The following FIBCD1 variants were observed in gnomAD, a reference collection of about 807,000 sequenced individuals.
FIBCD1 encodes fibrinogen C domain-containing protein 1.
FIBCD1 carries 47 observed loss-of-function variants against 45.1 expected under a neutral mutation model. That is an observed-to-expected ratio of 1.04 (90% CI 0.82 to 1.33). The LOEUF is 1.33. Among genes scored for constraint, FIBCD1 ranks in the 40% most tolerant of loss-of-function variants. FIBCD1 has a pLI of 0.00. For missense variants in FIBCD1, 653 were observed against 682.2 expected (o/e 0.96, Z 0.48); for synonymous variants, 313 against 308.1 (o/e 1.02, Z -0.17).
At chr9:130,930,844 CAG>C (rs976581598) in intron 1 of FIBCD1, 3 of 455,700 alleles carry the variant, frequency 6.6e-6, no homozygotes, top group Admixed American at 2.3e-5. Flanking sequence ...ATACACTGGT[CAG>C]AGAGAGCTGT....
intron 4 of FIBCD1, 54 bp from the exon 5 acceptor site, chr9:130,911,942 AGCCCACCTGG>A: frequency 6.7e-7 from 1 of 1,498,902 alleles, no homozygotes; most frequent in Non-Finnish European, 9.1e-7. Context: ...CAGGACTCGC[AGCCCACCTGG>A]GCCCACCCCG....
intron 4 of FIBCD1, among the ~76,000 whole-genome samples, chr9:130,916,505 C>G (rs751305649): frequency 6.6e-6 from 1 of 152,228 alleles, no homozygotes; most frequent in Non-Finnish European, 1.5e-5. Context: ...GTGCAAGTGC[C>G]GAGCACGGCC....
Position 130,926,893 on chromosome 9 carries a change from G to A in FIBCD1, c.553-2497C>T, listed in dbSNP as rs866291588. On this transcript the variant is annotated intron_variant, in intron 2 of 6. Coordinates refer to ENST00000372338, the MANE Select transcript of FIBCD1 (RefSeq NM_032843.5). The surrounding 1 kb of genome is among the most constrained non-coding windows in gnomAD (Gnocchi z 4.1). ...AATGTACTAACCTCCTGGCGTTATG[G>A]GGCTGCAAAGTGCCTATTAACGCGG... 6.6e-6 allele frequency among the ~76,000 whole-genome samples: 1 copy of A among 152,106 alleles called. No individual in the cohort carries two copies. Among genetic ancestry groups the A allele is most frequent in the Non-Finnish European group, 1.5e-5 (1 of 68,032 alleles).
At chr9:130,930,315 T>C (rs933440558) in intron 1 of FIBCD1, among the ~76,000 whole-genome samples, 1 of 148,860 alleles carries the variant, frequency 6.7e-6, no homozygotes, top group African/African-American at 2.5e-5. Flanking sequence ...GGTGGAGACA[T>C]AGGGAGAGAC....
In FIBCD1 at chr9:130,903,016, G is replaced by A. The variant is rs1831862447; in HGVS notation, c.*1048C>T. 6.6e-6 allele frequency: 1 copy of A among 152,314 alleles called. No individual in the cohort carries two copies. Among genetic ancestry groups the A allele is most frequent in the Non-Finnish European group, 1.5e-5 (1 of 68,112 alleles). 9.4% of individuals were successfully genotyped at this position (152,314 alleles called of 1,614,324 possible). ...CCGGGCCGGGCCTGGCCTGGGTCCA[G>A]GTGGCCACGGTCAATGGCAAGGGTT... On this transcript the variant is annotated 3_prime_UTR_variant, in exon 7 of 7. Transcript: ENST00000372338.
chr9:130,924,002 C>T, intron 3 of FIBCD1, 122 bp from the exon 4 acceptor site: 2 of 1,465,290 alleles, frequency 1.4e-6, no homozygotes, highest in Non-Finnish European at 1.8e-6. Flanking sequence ...AGAGCACTGG[C>T]CTTGGAGTCC....
rs1382943409 is a variant in FIBCD1 at position 130,904,339 on chromosome 9, C to G, written c.1127-16G>C. The G allele has an allele frequency of 3.1e-6, 5 of 1,593,914 alleles. No individual in the cohort carries two copies. Among genetic ancestry groups the G allele is most frequent in the Non-Finnish European group, 4.3e-6 (5 of 1,167,702 alleles). ...AGGGAGTCGCCTGCGCAGGGGTGCA[C>G]ACAGGTGTGGGCACGGGGGGCACGG... On this transcript the variant is annotated splice_polypyrimidine_tract_variant and intron_variant, in intron 6 of 6. Transcript: ENST00000372338.
chr9:130,923,717 G>T (rs745613039), intron 4 of FIBCD1, 27 bp downstream of exon 4: 3 of 1,608,482 alleles, frequency 1.9e-6, no homozygotes, highest in African/African-American at 2.7e-5. Context: ...TGCCTGCCCT[G>T]CCGCCCGCCC....
In FIBCD1 at chr9:130,913,158, C is replaced by T. The variant is rs185737224; in HGVS notation, c.850-1270G>A. Among the ~76,000 whole-genome samples the T allele has an allele frequency of 1.4e-3, 206 of 152,288 alleles. 1 individual carries two copies. Among genetic ancestry groups the T allele is most frequent in the African/African-American group, 4.8e-3 (198 of 41,556 alleles). ...CTTTGAAATGAGTACCACGCTGGCCCGGGCCAGAGCTGCCTGGAGTATTTA... is the reference window on the plus strand; with the variant it reads ...CTTTGAAATGAGTACCACGCTGGCCTGGGCCAGAGCTGCCTGGAGTATTTA... On this transcript the variant is annotated intron_variant, in intron 4 of 6. Coordinates refer to ENST00000372338, the MANE Select transcript of FIBCD1 (RefSeq NM_032843.5).
At chr9:130,934,462 G>A (rs556000641) in intron 1 of FIBCD1, among the ~76,000 whole-genome samples, 1 of 152,310 alleles carries the variant, frequency 6.6e-6, no homozygotes, top group East Asian at 1.9e-4. Flanking sequence ...GGCGCAGGAG[G>A]GGCTGAAGGT....
chr9:130,917,580 A>G (rs1475696706), intron 4 of FIBCD1, among the ~76,000 whole-genome samples: 1 of 152,106 alleles, frequency 6.6e-6, no homozygotes, highest in Non-Finnish European at 1.5e-5. Flanking sequence ...GCAGCCTTAC[A>G]CTCCGCAGGT....
intron 1 of FIBCD1, chr9:130,938,279 G>A: frequency 2.5e-6 from 1 of 402,692 alleles, no homozygotes; most frequent in Non-Finnish European, 4.5e-6. Flanking sequence ...CCAGGGGGCT[G>A]CTGGGGGTGC....
rs1440463633 is a variant in FIBCD1, at chr9:130,929,810, G to A, written c.309C>T (p.Asp103=). ...GGGCGCTCTCCAGGCGTGCGAAGCT[G>A]TCGGTGAGGTCGGGGCAGCGCGGGT... ...LIDPRCPDLT[D]SFARLESAQA... is the part of the protein sequence containing the mutation. Residue 103 remains aspartate (D), a synonymous_variant, in exon 2 of 7, where the codon GAC becomes GAT. Coordinates refer to ENST00000372338, the MANE Select transcript of FIBCD1 (RefSeq NM_032843.5). 6.4e-7 allele frequency: 1 copy of A among 1,550,778 alleles called. No homozygotes were observed. The highest frequency in any genetic ancestry group is 2.0e-5 in the Admixed American group (1 of 51,128).
chr9:130,910,609 G>A (rs941623686), intron 5 of FIBCD1, among the ~76,000 whole-genome samples: 4 of 152,180 alleles, frequency 2.6e-5, no homozygotes, highest in Admixed American at 6.5e-5. Flanking sequence ...GAGGTGGAGA[G>A]TCTTTATGTC....
Position 130,926,558 on chromosome 9 carries a change from G to C in FIBCD1, c.553-2162C>G, listed in dbSNP as rs1476132183. ...AACAAGGCCGGGTGTGGTGGCTCAC[G>C]CCTGTAATCCCAGCACTTTGGGAGG... On this transcript the variant is annotated intron_variant, in intron 2 of 6. Coordinates refer to ENST00000372338, the MANE Select transcript of FIBCD1 (RefSeq NM_032843.5). The surrounding 1 kb of genome is among the most constrained non-coding windows in gnomAD (Gnocchi z 4.1). Among the ~76,000 whole-genome samples, 1 of 152,186 alleles carries C rather than the reference G, an allele frequency of 6.6e-6. No individual in the cohort carries two copies. The highest frequency in any genetic ancestry group is 1.5e-5 in the Non-Finnish European group (1 of 68,038).
At chr9:130,924,201 G>C in intron 3 of FIBCD1, 36 bp downstream of exon 3, 2 of 1,527,210 alleles carry the variant, frequency 1.3e-6, no homozygotes, top group Non-Finnish European at 8.8e-7. Flanking sequence ...GCTGGGACCC[G>C]AGGCACCGGA....
At position 130,929,645 on chromosome 9, in the gene FIBCD1, G is replaced by C. The variant is rs1264311628; in HGVS notation, c.474C>G (p.Cys158Trp). The C allele has an allele frequency of 6.3e-7, 1 of 1,590,262 alleles. No homozygotes were observed. The highest frequency in any genetic ancestry group is 2.2e-5 in the East Asian group (1 of 44,680). The change falls in exon 2 of 7, where the codon TGC (cysteine) becomes TGG (tryptophan). Residue 158 changes from cysteine (C) to tryptophan (W), a missense_variant. Physicochemically the swap from Cys to Trp is radical, Grantham distance 215 (BLOSUM62 -2). Transcript: ENST00000372338. ...LARASELQTE[C>W]MGLRKGHGTL... ...TGCCATGCCCCTTCCGCAGCCCCAT[G>C]CACTCCGTCTGCAGCTCTGAGGCTC...
chr9:130,909,112 C>G (rs1831989415), intron 5 of FIBCD1, among the ~76,000 whole-genome samples: 2 of 152,134 alleles, frequency 1.3e-5, no homozygotes, highest in African/African-American at 4.8e-5. Flanking sequence ...TCCCTACCAG[C>G]TCTGACCCCG....
intron 5 of FIBCD1, among the ~76,000 whole-genome samples, chr9:130,908,237 G>A (rs564039956): frequency 3.9e-5 from 6 of 152,316 alleles, no homozygotes; most frequent in Admixed American, 2.0e-4. Flanking sequence ...GGATGGGGAG[G>A]GTGGTGCGGC....
Sources: gnomAD v4.1 joint callset for allele counts (sites outside exome capture counted in the v4.1 genomes callset) on GRCh38, gnomAD v4.1.1 for gene constraint, Gnocchi (gnomAD v3.1) non-coding constraint, MANE v1.5 for transcripts, NCBI Gene and HGNC (gene_info 2026-07-23, HGNC 2026-07-21) for gene names.